XPNPEP3: variants seen among roughly 807,000 people sequenced by gnomAD.
XPNPEP3 encodes the protein xaa-Pro aminopeptidase 3.
In XPNPEP3, 41 loss-of-function variants were observed where a neutral mutation model predicts 60.0. That is an observed-to-expected ratio of 0.68 (90% CI 0.53 to 0.89). The LOEUF is 0.89. Ranked by LOEUF, XPNPEP3 falls within the 40% of genes least tolerant of loss-of-function variation. The pLI, the probability that XPNPEP3 is intolerant of heterozygous loss-of-function variation, is 0.00. For missense variants in XPNPEP3, 598 were observed against 638.9 expected, an observed-to-expected ratio of 0.94 and a Z score of 0.69; for synonymous variants, 212 against 223.2, an observed-to-expected ratio of 0.95 and a Z score of 0.45.
At chr22:40,888,840 G>A (rs539811160) in intron 4 of XPNPEP3, among the ~76,000 whole-genome samples, 4 of 152,068 alleles carry the variant, frequency 2.6e-5, no homozygotes, top group African/African-American at 7.2e-5. Flanking sequence ...CACTAGCAAC[G>A]CACCAAGGGT....
Position 40,870,293 on chromosome 22 carries a change from A to G in XPNPEP3, c.181+1178A>G, listed in dbSNP as rs1044533555. The G allele has an allele frequency of 2.7e-5, 8 of 298,962 alleles. No homozygotes were observed. The East Asian group carries it at 7.7e-4, about 29-fold the overall frequency. 18.5% of individuals were successfully genotyped at this position (298,962 alleles called of 1,614,324 possible). On this transcript the variant is annotated intron_variant, in intron 2 of 9. Coordinates refer to ENST00000357137, the MANE Select transcript of XPNPEP3 (RefSeq NM_022098.4). ...TTGTGGTGAGATATTTTTACATGGT[A>G]AGCTGCATTTTCCAGGCCTTAAACC...
At chr22:40,907,003 C>T (rs1023788956) in intron 4 of XPNPEP3, 2 of 453,944 alleles carry the variant, frequency 4.4e-6, no homozygotes, top group Non-Finnish European at 8.9e-6. Flanking sequence ...GAGGGCAGAG[C>T]CCTCGTGATT....
At chr22:40,919,380 C>T (rs1457715962) in intron 7 of XPNPEP3, among the ~76,000 whole-genome samples, 2 of 152,188 alleles carry the variant, frequency 1.3e-5, no homozygotes, top group Non-Finnish European at 2.9e-5. Flanking sequence ...CATGGTGAAA[C>T]CCCGTCCATA....
intron 9 of XPNPEP3, among the ~76,000 whole-genome samples, chr22:40,925,466 C>T (rs1398012082): frequency 2.0e-5 from 3 of 152,172 alleles, no homozygotes; most frequent in Non-Finnish European, 4.4e-5. Flanking sequence ...CCTAGTCATA[C>T]ATTGCTATCT....
rs1213385999 is a variant in XPNPEP3 at position 40,857,215 on chromosome 22, C to G, written c.34C>G (p.Pro12Ala). ...GCTGCTCTCAGCCCCCAAGCTGGTT[C>G]CCGCTGTAGCAAACGTCCGCGGCCT... The part of the protein sequence containing the change: ...PWLLSAPKLV[P>A]AVANVRGLSG... Residue 12 changes from proline (P) to alanine (A), a missense_variant, in exon 1 of 10, where the codon CCC becomes GCC. Transcript: ENST00000357137. 1.6e-5 allele frequency: 26 copies of G among 1,614,094 alleles called. No individual in the cohort carries two copies. Among genetic ancestry groups the G allele is most frequent in the Non-Finnish European group, 2.2e-5 (26 of 1,180,042 alleles).
At chr22:40,882,902 T>G (rs1293180006) in intron 3 of XPNPEP3, among the ~76,000 whole-genome samples, 2 of 152,200 alleles carry the variant, frequency 1.3e-5, no homozygotes, top group Non-Finnish European at 2.9e-5. Flanking sequence ...CTATCCTAGT[T>G]TGAAATCTCA....
chr22:40,862,107 T>C lies in XPNPEP3; in HGVS notation c.64+4862T>C, dbSNP rs2057953770. 2.3e-5 allele frequency: 34 copies of C among 1,501,068 alleles called. No individual in the cohort carries two copies. The South Asian group carries it at 2.7e-4, about 12-fold the overall frequency. The allele number at this position is 1,501,068 out of a possible 1,614,324, so 93.0% of individuals were successfully genotyped here. A position where few individuals can be genotyped will look rare whatever the true frequency, so the allele number is the denominator to read the frequency against. ...GTAGTGACTGCAAATAGGTACACTT[T>C]TATGTTAAAGACAATGTTATTACCA... is the stretch of plus-strand genomic sequence containing the variant. On this transcript the variant is annotated intron_variant, in intron 1 of 9. Coordinates refer to ENST00000357137, the MANE Select transcript of XPNPEP3 (RefSeq NM_022098.4).
chr22:40,922,303 G>A (rs1454636748), intron 7 of XPNPEP3, 30 bp from the exon 8 acceptor site: 6 of 1,613,274 alleles, frequency 3.7e-6, no homozygotes, highest in Admixed American at 3.3e-5. Context: ...GATTATCTAA[G>A]TTCAGGTTCT....
chr22:40,863,027 A>G (rs1022282555), intron 1 of XPNPEP3, among the ~76,000 whole-genome samples: 16 of 152,248 alleles, frequency 1.1e-4, no homozygotes, highest in African/African-American at 3.9e-4. Context: ...TGAGACCTAT[A>G]TGACAGTCAG....
At chr22:40,917,965 T>C (rs1390662222) in intron 7 of XPNPEP3, 1 of 148,414 alleles carries the variant, frequency 6.7e-6, no homozygotes, top group Non-Finnish European at 1.5e-5. Context: ...GAGCTGTGAC[T>C]GCACTACTAC....
intron 2 of XPNPEP3, among the ~76,000 whole-genome samples, chr22:40,873,812 G>A (rs1332084461): frequency 3.3e-5 from 5 of 152,000 alleles, no homozygotes; most frequent in African/African-American, 9.6e-5. Context: ...AAATAAAATA[G>A]AAATAAAATA....
At chr22:40,914,581 G>A (rs573888338) in intron 7 of XPNPEP3, among the ~76,000 whole-genome samples, 67 of 112,438 alleles carry the variant, frequency 6.0e-4, no homozygotes, top group South Asian at 2.6e-3. Flanking sequence ...ACGGGGTCTC[G>A]CTGTGTCATC....
At chr22:40,886,564 G>T in intron 4 of XPNPEP3, 49 bp downstream of exon 4, 1 of 1,579,868 alleles carries the variant, frequency 6.3e-7, no homozygotes. Flanking sequence ...GGTGGCTCAC[G>T]CCTGTAATCC....
intron 7 of XPNPEP3, among the ~76,000 whole-genome samples, chr22:40,921,645 T>C (rs1323763470): frequency 6.6e-6 from 1 of 152,192 alleles, no homozygotes; most frequent in Non-Finnish European, 1.5e-5. Flanking sequence ...TTTACAATTA[T>C]AAAATTACAG....
rs777648859 is a variant in XPNPEP3, at chr22:40,882,053, G to T, written c.465G>T (p.Arg155=). 6.2e-7 allele frequency: 1 copy of T among 1,614,060 alleles called. No homozygotes were observed. ...ACAAAGCCATACTTTTTGTGCCTCG[G>T]CGAGATCCCAGTCGAGAACTTTGGG... is the stretch of plus-strand genomic sequence containing the variant. ...PSHKAILFVP[R]RDPSRELWDG... Residue 155 remains arginine, a synonymous_variant, in exon 3 of 10, where the codon CGG becomes CGT. Coordinates refer to ENST00000357137, the MANE Select transcript of XPNPEP3 (RefSeq NM_022098.4).
chr22:40,926,365 C>G lies in XPNPEP3; in HGVS notation c.1454C>G (p.Pro485Arg). Residue 485 changes from proline (P) to arginine (R), a missense_variant, in exon 10 of 10, where the codon CCT becomes CGT. Pro to Arg is a moderately radical substitution (Grantham distance 103). Coordinates refer to ENST00000357137, the MANE Select transcript of XPNPEP3 (RefSeq NM_022098.4). ...GATGTAGTGGTGACTCAGGACTCACCTCTCATCCTTTCTGCAGACTGTCCC... is the reference window on the plus strand; with the variant it reads ...GATGTAGTGGTGACTCAGGACTCACGTCTCATCCTTTCTGCAGACTGTCCC... Reference protein sequence around the residue: ...EDDVVVTQDSPLILSADCPKE... With the variant: ...EDDVVVTQDSRLILSADCPKE... The G allele has an allele frequency of 6.2e-7, 1 of 1,614,128 alleles. No homozygotes were observed. Among genetic ancestry groups the G allele is most frequent in the Non-Finnish European group, 8.5e-7 (1 of 1,180,028 alleles).
At chr22:40,914,035 C>T (rs187332676) in intron 6 of XPNPEP3, among the ~76,000 whole-genome samples, 24 of 151,324 alleles carry the variant, frequency 1.6e-4, no homozygotes, top group African/African-American at 5.3e-4. Context: ...CCCAGCTACT[C>T]GGAGGCTGAG....
chr22:40,903,466 A>G (rs1315759503), intron 4 of XPNPEP3, among the ~76,000 whole-genome samples: 1 of 151,792 alleles, frequency 6.6e-6, no homozygotes, highest in Non-Finnish European at 1.5e-5. Flanking sequence ...TGATGGACGT[A>G]CATCTGTGTC....
chr22:40,931,452 A>C lies in XPNPEP3; in HGVS notation c.*5017A>C, dbSNP rs1228491483. ...AGTAAAGTTGGGTGCAGTGGATCAC[A>C]GCTATAATCCCAGCACTTTGGGAGA... On this transcript the variant is annotated 3_prime_UTR_variant, in exon 10 of 10. Coordinates refer to ENST00000357137, the MANE Select transcript of XPNPEP3 (RefSeq NM_022098.4). 1 of 152,200 alleles carries C rather than the reference A, an allele frequency of 6.6e-6. No homozygotes were observed. The highest frequency in any genetic ancestry group is 1.9e-4 in the East Asian group (1 of 5,196). The allele number at this position is 152,200 out of a possible 1,614,324, so 9.4% of individuals were successfully genotyped here.
Sources: allele counts gnomAD v4.1 joint callset (sites outside exome capture counted in the v4.1 genomes callset), GRCh38; gene constraint gnomAD v4.1.1; transcripts MANE v1.5; gene names NCBI Gene and HGNC (gene_info 2026-07-23, HGNC 2026-07-21).